Variants in RIF1 observed in about 807,000 individuals in gnomAD.
RIF1 encodes telomere-associated protein RIF1.
A neutral mutation model predicts 247.1 loss-of-function variants in RIF1; 45 were observed. The ratio of observed to expected loss-of-function variants is 0.18; its 90% CI spans 0.14 to 0.23. The LOEUF is 0.23. Ranked by LOEUF, RIF1 falls within the 10% of genes least tolerant of loss-of-function variation. The pLI is 1.00. For missense variants in RIF1, 2,967 were observed against 2,862.5 expected, an observed-to-expected ratio of 1.04 and a Z score of -0.83; for synonymous variants, 1,087 against 978.8, an observed-to-expected ratio of 1.11 and a Z score of -2.06.
At chr2:151,525,915 A>G in the RIF1 span, 12 of 1,440,676 alleles carry the variant, frequency 8.3e-6, no homozygotes, top group East Asian at 9.1e-5. Context: ...TCTACAGTCA[A>G]GTGGCATTGT....
chr2:151,506,442 C>T (rs1364616037), intron 13 of RIF1: 4 of 564,404 alleles, frequency 7.1e-6, no homozygotes, highest in East Asian at 2.8e-5. Flanking sequence ...AGTTATACAA[C>T]ATGGATCTTT....
At chr2:151,502,827 T>A in intron 11 of RIF1, 3 of 1,609,146 alleles carry the variant, frequency 1.9e-6, no homozygotes, top group Non-Finnish European at 2.5e-6. Context: ...TTTGACTCTC[T>A]CCATCTCTGG....
intron 10 of RIF1, chr2:151,499,176 A>G: frequency 1.9e-6 from 1 of 531,714 alleles, no homozygotes; most frequent in Non-Finnish European, 3.3e-6. Flanking sequence ...GGCAGCATTA[A>G]GTTGGGAAAA....
intron 8 of RIF1, 66 bp from the exon 9 acceptor site, chr2:151,428,718 G>C: frequency 8.0e-7 from 1 of 1,243,364 alleles, no homozygotes; most frequent in Non-Finnish European, 1.2e-6. Flanking sequence ...ATGAATAAAG[G>C]AATGATAGCA....
intron 6 of RIF1, among the ~76,000 whole-genome samples, chr2:151,417,278 A>T (rs919680814): frequency 2.6e-5 from 4 of 152,206 alleles, no homozygotes; most frequent in Admixed American, 2.6e-4. Flanking sequence ...TACCTTCTTC[A>T]TTTTTGTTGT....
chr2:151,521,647 C>A, the RIF1 span, among the ~76,000 whole-genome samples: 1 of 152,184 alleles, frequency 6.6e-6, no homozygotes, highest in Non-Finnish European at 1.5e-5. Flanking sequence ...AGTCCTCCTT[C>A]TGTCTTTTAG....
chr2:151,531,182 T>C, the RIF1 span: 1 of 895,532 alleles, frequency 1.1e-6, no homozygotes, highest in Non-Finnish European at 1.8e-6. Context: ...AGTTTTTTCC[T>C]GAGTGAATAT....
chr2:151,528,518 C>T, the RIF1 span, among the ~76,000 whole-genome samples: 1 of 152,268 alleles, frequency 6.6e-6, no homozygotes, highest in South Asian at 2.1e-4. Flanking sequence ...TCCTTCTATC[C>T]GTCTGCCCTC....
chr2:151,528,471 A>C, the RIF1 span, among the ~76,000 whole-genome samples: 1 of 152,168 alleles, frequency 6.6e-6, no homozygotes, highest in African/African-American at 2.4e-5. Flanking sequence ...GGATTTTGCA[A>C]GGTACGTTTT....
chr2:151,422,827 T>G (rs1573899047), intron 7 of RIF1, 123 bp from the exon 8 acceptor site: 6 of 583,554 alleles, frequency 1.0e-5, no homozygotes. Context: ...TTGGGTGGGG[T>G]AATATTTTTA....
chr2:151,414,803 A>G lies in RIF1; in HGVS notation c.184-20A>G. ...TTACAGTTGTGCTTGTTTGTAATAAATGTGATTTTGTTTTTGTAGACTCAC... is the reference window on the plus strand; with the variant it reads ...TTACAGTTGTGCTTGTTTGTAATAAGTGTGATTTTGTTTTTGTAGACTCAC... On this transcript the variant is annotated intron_variant, in intron 3 of 35. Transcript: ENST00000444746. 7 of 1,558,310 alleles carry G rather than the reference A, an allele frequency of 4.5e-6. No homozygotes were observed. The highest frequency in any genetic ancestry group is 6.2e-6 in the Non-Finnish European group (7 of 1,137,442).
intron 34 of RIF1, among the ~76,000 whole-genome samples, chr2:151,470,727 C>T (rs1301848486): frequency 6.6e-6 from 1 of 152,134 alleles, no homozygotes; most frequent in Non-Finnish European, 1.5e-5. Context: ...CTGCTGTATT[C>T]TTGAAGGTCC....
downstream of RIF1, among the ~76,000 whole-genome samples, chr2:151,510,800 C>T (rs1297305682): frequency 6.6e-6 from 1 of 152,140 alleles, no homozygotes; most frequent in Non-Finnish European, 1.5e-5. Context: ...TGGAACATAT[C>T]CCCCTCGGAT....
chr2:151,469,665 T>C, intron 33 of RIF1, 46 bp from the exon 34 acceptor site: 1 of 1,355,840 alleles, frequency 7.4e-7, no homozygotes, highest in Non-Finnish European at 9.8e-7. Flanking sequence ...AAATAGCATA[T>C]AAATAAAACT....
chr2:151,534,201 C>T, the RIF1 span: 5 of 1,604,110 alleles, frequency 3.1e-6, no homozygotes, highest in African/African-American at 2.7e-5. Flanking sequence ...CACCGGCCAG[C>T]CCCATCACAG....
intron 11 of RIF1, among the ~76,000 whole-genome samples, chr2:151,436,303 G>A (rs1456864250): frequency 6.6e-6 from 1 of 152,082 alleles, no homozygotes; most frequent in African/African-American, 2.4e-5. Flanking sequence ...CATTTAGGGG[G>A]CTGAGGTGGG....
At chr2:151,507,933 G>T in exon 14 of RIF1, 3 of 1,072,494 alleles carry the variant, frequency 2.8e-6, no homozygotes, top group Non-Finnish European at 4.2e-6. Flanking sequence ...GCAAGCCTGG[G>T]ATATCCAGAG....
downstream of RIF1, among the ~76,000 whole-genome samples, chr2:151,484,422 C>T (rs2049371044): frequency 6.6e-6 from 1 of 152,186 alleles, no homozygotes; most frequent in African/African-American, 2.4e-5. Context: ...ATGGCAAAAC[C>T]CTGTCTGTAC....
At chr2:151,495,523 A>C (rs1418239230) in intron 10 of RIF1, among the ~76,000 whole-genome samples, 1 of 152,234 alleles carries the variant, frequency 6.6e-6, no homozygotes, top group Admixed American at 6.5e-5. Flanking sequence ...TGGACACCAC[A>C]AGGTTGTTTG....
Sources: gnomAD v4.1 joint callset for allele counts (sites outside exome capture counted in the v4.1 genomes callset) on GRCh38, gnomAD v4.1.1 for gene constraint, MANE v1.5 for transcripts, NCBI Gene and HGNC (gene_info 2026-07-23, HGNC 2026-07-21) for gene names.